Variants in POLD1 observed in about 807,000 individuals in gnomAD.
POLD1 encodes the protein DNA polymerase delta 1, catalytic subunit.
In POLD1, 79 loss-of-function variants were observed where a neutral mutation model predicts 129.7. That is an observed-to-expected ratio of 0.61 (90% CI 0.51 to 0.73). The LOEUF (loss-of-function observed/expected upper bound fraction) is 0.73, where lower values mean the gene tolerates loss of function less well. POLD1 is among the 30% of genes least tolerant of loss of function. The pLI is 0.00. For missense variants in POLD1, 1,338 were observed against 1,595.8 expected (o/e 0.84, Z 2.75); for synonymous variants, 714 against 683.3 (o/e 1.04, Z -0.70).
At chr19:50,395,268 C>T (rs1164254376) in intron 1 of POLD1, 1 of 148,146 alleles carries the variant, frequency 6.8e-6, no homozygotes, top group Non-Finnish European at 1.5e-5. Flanking sequence ...ACTTCTTTCT[C>T]TGACAATTTC....
intron 3 of POLD1, 43 bp from the exon 4 acceptor site, chr19:50,401,735 A>T (rs2038637360): frequency 6.2e-7 from 1 of 1,604,878 alleles, no homozygotes; most frequent in East Asian, 2.2e-5. Context: ...ACCTTGGAGG[A>T]CCCTGAGAGG....
intron 1 of POLD1, among the ~76,000 whole-genome samples, chr19:50,390,954 G>A (rs2038137813): frequency 6.6e-6 from 1 of 152,148 alleles, no homozygotes; most frequent in African/African-American, 2.4e-5. Flanking sequence ...ACAAAATGGA[G>A]TCTCCTATGT....
rs369067442 is a variant in POLD1, at chr19:50,413,464, C to T, written c.2193C>T (p.Thr731=). ...TCGGACGTCAGATGATCGAGAAAAC[C>T]AAGCAGCTGGTGGAGTCTAAGTACA... ...TGFGRQMIEK[T]KQLVESKYTV... The change falls in exon 18 of 27, where the codon ACC becomes ACT. Residue 731 remains threonine, a synonymous_variant. Coordinates refer to ENST00000440232, the MANE Select transcript of POLD1 (RefSeq NM_002691.4). The T allele has an allele frequency of 6.8e-6, 11 of 1,613,260 alleles. No homozygotes were observed. In the African/African-American group the frequency reaches 1.5e-4, roughly 22 times the overall value.
chr19:50,386,434 G>A (rs3219300), intron 1 of POLD1, among the ~76,000 whole-genome samples: 2,698 of 152,246 alleles, frequency 0.018, 72 homozygotes, highest in African/African-American at 0.058. Flanking sequence ...CACCACACCC[G>A]GCCTAAACTC....
At chr19:50,385,783 C>CTGAG (rs1474145020) in intron 1 of POLD1, among the ~76,000 whole-genome samples, 6 of 152,150 alleles carry the variant, frequency 3.9e-5, no homozygotes. Context: ...CTTGCCTCGG[C>CTGAG]CTCCCAAAGT....
rs762498700 is a variant in POLD1 at position 50,402,112 on chromosome 19, T to G, written c.577T>G (p.Cys193Gly). The change falls in exon 5 of 27, where the codon TGC (cysteine) becomes GGC (glycine). Residue 193 changes from cysteine to glycine, a missense_variant. This residue lies in a region of POLD1 where 332 missense variants were observed against 315.7 expected (regional missense o/e 1.05). Transcript: ENST00000440232. ...TGPAVLAVELCSRESMFGYHG... is the reference protein window; with the variant it reads ...TGPAVLAVELGSRESMFGYHG... ...GCCGGCCGTGCTGGCTGTGGAACTG[T>G]GCTCCCGAGAGAGTGAGTGCTCCCC... The G allele has an allele frequency of 6.2e-7, 1 of 1,612,530 alleles. No homozygotes were observed. Among genetic ancestry groups the G allele is most frequent in the Non-Finnish European group, 8.5e-7 (1 of 1,179,168 alleles).
Position 50,405,264 on chromosome 19 carries a change from G to A in POLD1, c.1243-918G>A, listed in dbSNP as rs116125869. ...TCGTGAGGTGAGGGCCCACCCCAGT[G>A]ACCTCATCTTCACTTGACCCCCTGC... is the stretch of plus-strand genomic sequence containing the variant. On this transcript the variant is annotated intron_variant, in intron 10 of 26. Transcript: ENST00000440232. Among the ~76,000 whole-genome samples, 344 of 152,282 alleles carry A rather than the reference G, an allele frequency of 2.3e-3. 2 individuals are homozygous for A. The highest frequency in any genetic ancestry group is 7.1e-3 in the African/African-American group (293 of 41,560).
intron 1 of POLD1, among the ~76,000 whole-genome samples, chr19:50,387,312 T>C (rs540909360): frequency 6.6e-6 from 1 of 152,078 alleles, no homozygotes; most frequent in Admixed American, 6.6e-5. Context: ...AGCTGTGAGA[T>C]TGGGCAAGAT....
chr19:50,406,644 A>T lies in POLD1; in HGVS notation c.1494+127A>T. 1 of 715,188 alleles carries T rather than the reference A, an allele frequency of 1.4e-6. No homozygotes were observed. The highest frequency in any genetic ancestry group is 2.7e-5 in the East Asian group (1 of 36,928). The allele number at this position is 715,188 out of a possible 1,614,324, so 44.3% of individuals were successfully genotyped here. On this transcript the variant is annotated intron_variant, in intron 12 of 26. Transcript: ENST00000440232. This position sits in a 1 kb window ranked among gnomAD's most constrained non-coding sequence, Gnocchi z 5.5. ...CTTTGACCTGCTGTTATGACCTGTG[A>T]CCTTACCTGACGCCCACTTTTTCCT...
chr19:50,400,133 A>ATTTTTTTTTTTTTTTTTTT (rs71182715), intron 3 of POLD1, among the ~76,000 whole-genome samples: 4 of 48,154 alleles, frequency 8.3e-5, no homozygotes, highest in African/African-American at 1.2e-4. Context: ...TTTTTAAAAG[A>ATTTTTTTTTTTTTTTTTTT]TTTTTTTTTT....
intron 1 of POLD1, among the ~76,000 whole-genome samples, chr19:50,385,964 A>G (rs2037957209): frequency 6.6e-6 from 1 of 151,846 alleles, no homozygotes; most frequent in African/African-American, 2.4e-5. Context: ...TCTGCTGAGC[A>G]CTGGGGAGCC....
intron 14 of POLD1, among the ~76,000 whole-genome samples, chr19:50,407,788 G>T (rs1218474440): frequency 1.4e-5 from 2 of 146,530 alleles, no homozygotes; most frequent in African/African-American, 2.6e-5. Flanking sequence ...TGTTAGCCAG[G>T]ATGGTCTCGA....
rs1281656236 is a variant in POLD1, at chr19:50,399,020, G to A, written c.169G>A (p.Glu57Lys). 3 of 1,559,336 alleles carry A rather than the reference G, an allele frequency of 1.9e-6. No individual in the cohort carries two copies. Among genetic ancestry groups the A allele is most frequent in the Non-Finnish European group, 2.6e-6 (3 of 1,151,362 alleles). Reference sequence around the variant, plus strand: ...CAGGCTGCAGGAGCAGGAGGAGGAGGAGCTGCAGTCAGTCCTGGAGGGGGT... The same window carrying A: ...CAGGCTGCAGGAGCAGGAGGAGGAGAAGCTGCAGTCAGTCCTGGAGGGGGT... ...EHRLQEQEEEELQSVLEGVAD... is the reference protein window; with the variant it reads ...EHRLQEQEEEKLQSVLEGVAD... The change falls in exon 2 of 27, where the codon GAG (glutamate) becomes AAG (lysine). Residue 57 changes from glutamate (E) to lysine (K), a missense_variant. Transcript: ENST00000440232.
At chr19:50,401,336 A>G (rs1568617667) in intron 3 of POLD1, among the ~76,000 whole-genome samples, 1 of 140,260 alleles carries the variant, frequency 7.1e-6, no homozygotes, top group South Asian at 2.2e-4. Context: ...TTATTTGTAC[A>G]TATAATATGT....
rs1383575794 is a variant in POLD1, at chr19:50,402,133, T to C, written c.589+9T>C. On this transcript the variant is annotated intron_variant, in intron 5 of 26. Transcript: ENST00000440232. ...ACTGTGCTCCCGAGAGAGTGAGTGC[T>C]CCCCCAGGATCAGCGGGTTGGAGGG... is the stretch of plus-strand genomic sequence containing the variant. The C allele has an allele frequency of 6.2e-7, 1 of 1,605,336 alleles. No homozygotes were observed. Among genetic ancestry groups the C allele is most frequent in the East Asian group, 2.2e-5 (1 of 44,824 alleles).
In POLD1 at chr19:50,415,740, C is replaced by A; in HGVS notation, c.2734C>A (p.Pro912Thr). Residue 912 changes from proline to threonine, a missense_variant, in exon 22 of 27, where the codon CCC becomes ACC. Transcript: ENST00000440232. ...ELAERMRKRD[P>T]GSAPSLGDRV... ...TCCACGCAGGATGAGGAAGCGGGAC[C>A]CCGGGAGTGCGCCCAGCCTGGGCGA... 6.4e-7 allele frequency: 1 copy of A among 1,559,224 alleles called. No homozygotes were observed.
chr19:50,406,047 G>A lies in POLD1; in HGVS notation c.1243-135G>A, dbSNP rs1023825353. The A allele has an allele frequency of 3.3e-5, 34 of 1,019,884 alleles. No homozygotes were observed. Among genetic ancestry groups the A allele is most frequent in the South Asian group, 1.6e-4 (11 of 67,830 alleles). The allele number at this position is 1,019,884 out of a possible 1,614,324, so 63.2% of individuals were successfully genotyped here. On this transcript the variant is annotated intron_variant, in intron 10 of 26. Coordinates refer to ENST00000440232, the MANE Select transcript of POLD1 (RefSeq NM_002691.4). The surrounding 1 kb of genome is among the most constrained non-coding windows in gnomAD (Gnocchi z 5.5). ...AGCCACCCACACCCAGCCCCAGACC[G>A]TCTTTCTGCCCCCAGGGTTGCTCTC...
rs774272686 is a variant in POLD1 at position 50,395,876 on chromosome 19, CTTTTTT to C, written c.-1-2955_-1-2950del. ...TGTCTAATCAACCAGAGGATATATA[CTTTTTT>C]TTTTTTTTTTTTTTTTTTTGAGACA... On this transcript the variant is annotated intron_variant, in intron 1 of 26. Coordinates refer to ENST00000440232, the MANE Select transcript of POLD1 (RefSeq NM_002691.4). Among the ~76,000 whole-genome samples the C allele has an allele frequency of 4.5e-3, 329 of 73,666 alleles. 1 individual carries two copies. The highest frequency in any genetic ancestry group is 0.017 in the African/African-American group (301 of 17,746). 48.3% of individuals were successfully genotyped at this position (73,666 alleles called of 152,430 possible). A position where few individuals can be genotyped will look rare whatever the true frequency, so the allele number is the denominator to read the frequency against.
intron 14 of POLD1, 188 bp from the exon 15 acceptor site, chr19:50,408,597 G>A (rs2038982069): frequency 1.2e-6 from 1 of 865,106 alleles, no homozygotes; most frequent in South Asian, 1.7e-5. Flanking sequence ...TGCCCAGGCT[G>A]ATCTGAAACT....
Sources: allele counts gnomAD v4.1 joint callset (sites outside exome capture counted in the v4.1 genomes callset), GRCh38; gene constraint gnomAD v4.1.1; regional missense constraint gnomAD v4.1.1; non-coding constraint Gnocchi (gnomAD v3.1); transcripts MANE v1.5; gene names NCBI Gene and HGNC (gene_info 2026-07-23, HGNC 2026-07-21).